TOGARAM1: variants seen among roughly 807,000 people sequenced by gnomAD.
TOGARAM1 encodes the protein TOG array regulator of axonemal microtubules 1.
TOGARAM1 carries 100 observed loss-of-function variants against 166.6 expected under a neutral mutation model. That is an observed-to-expected ratio of 0.60 (90% CI 0.51 to 0.71). The LOEUF is 0.71. Among genes scored for constraint, TOGARAM1 ranks in the 30% least tolerant of loss-of-function variants. The pLI is 0.00. For synonymous variants in TOGARAM1, 758 were observed against 763.8 expected, an observed-to-expected ratio of 0.99 and a Z score of 0.13; for missense variants, 2,029 against 2,102.7, an observed-to-expected ratio of 0.96 and a Z score of 0.69.
chr14:45,001,250 C>T (rs59432531), intron 3 of TOGARAM1, among the ~76,000 whole-genome samples: 7,326 of 152,152 alleles, frequency 0.048, 578 homozygotes, highest in African/African-American at 0.17. Context: ...ATGCAAAAAT[C>T]GAATCAAAAT....
intron 16 of TOGARAM1, among the ~76,000 whole-genome samples, chr14:45,060,217 C>CTTTT: frequency 8.6e-6 from 1 of 116,690 alleles, no homozygotes; most frequent in Non-Finnish European, 1.8e-5. Flanking sequence ...TGCACCCGGC[C>CTTTT]TTTTTTTTTT....
At chr14:45,041,358 G>A (rs957475962) in intron 11 of TOGARAM1, among the ~76,000 whole-genome samples, 1 of 147,392 alleles carries the variant, frequency 6.8e-6, no homozygotes, top group Non-Finnish European at 1.5e-5. Context: ...CTGAGATCAC[G>A]CCACTGCACT....
At chr14:45,056,064 A>G (rs1170863319) in intron 16 of TOGARAM1, among the ~76,000 whole-genome samples, 24 of 150,888 alleles carry the variant, frequency 1.6e-4, no homozygotes, top group Admixed American at 1.5e-3. Flanking sequence ...AGCGTTTTTT[A>G]GTTTTCCTTG....
intron 1 of TOGARAM1, among the ~76,000 whole-genome samples, chr14:44,974,886 G>A (rs1886095147): frequency 6.6e-6 from 1 of 151,774 alleles, no homozygotes; most frequent in Non-Finnish European, 1.5e-5. Flanking sequence ...TTTGTTGACA[G>A]GTAGATGTGA....
chr14:45,065,683 A>G (rs771681377), intron 16 of TOGARAM1, among the ~76,000 whole-genome samples: 1 of 152,170 alleles, frequency 6.6e-6, no homozygotes, highest in Admixed American at 6.5e-5. Context: ...AGTTAACATA[A>G]CAGGGCCCAA....
At position 45,032,344 on chromosome 14, in the gene TOGARAM1, A is replaced by G. The variant is rs1407642168; in HGVS notation, c.3780A>G (p.Thr1260=). ...TCTCTAAACCAGAAATAGCACTGAC[A>G]GAAGCCCTGAGGCTTTTGGCTGATG... is the stretch of plus-strand genomic sequence containing the variant. ...RPFSKPEIAL[T]EALRLLADED... is the part of the protein sequence containing the mutation. The change falls in exon 11 of 20, where the codon ACA becomes ACG. Residue 1260 remains threonine (T), a synonymous_variant. Coordinates refer to ENST00000361462, the MANE Select transcript of TOGARAM1 (RefSeq NM_001308120.2). 2 of 1,614,090 alleles carry G rather than the reference A, an allele frequency of 1.2e-6. No individual in the cohort carries two copies. The highest frequency in any genetic ancestry group is 1.7e-5 in the Admixed American group (1 of 60,020).
At chr14:45,048,314 CAA>C (rs1165258521) in intron 14 of TOGARAM1, among the ~76,000 whole-genome samples, 52 of 43,714 alleles carry the variant, frequency 1.2e-3, no homozygotes, top group African/African-American at 3.1e-3. Context: ...GACTCCATCT[CAA>C]AAAAAAAAAA....
Position 44,962,802 on chromosome 14 carries a change from T to C in TOGARAM1, c.381T>C (p.Leu127=). Residue 127 remains leucine (L), a synonymous_variant, in exon 1 of 20, where the codon CTT becomes CTC. Transcript: ENST00000361462. The part of the protein sequence containing the change: ...QAALPRRGGR[L]GFPRRKEALY... ...CTTTGCCGCGGCGGGGCGGTCGACT[T>C]GGCTTCCCCCGACGCAAGGAAGCTT... 6.2e-7 allele frequency: 1 copy of C among 1,612,492 alleles called. No individual in the cohort carries two copies. The highest frequency in any genetic ancestry group is 8.5e-7 in the Non-Finnish European group (1 of 1,179,974).
intron 1 of TOGARAM1, among the ~76,000 whole-genome samples, chr14:44,993,870 G>C (rs934386963): frequency 7.2e-5 from 11 of 152,114 alleles, no homozygotes; most frequent in African/African-American, 2.7e-4. Context: ...TTGCTAAACA[G>C]AAATTAATCA....
intron 1 of TOGARAM1, among the ~76,000 whole-genome samples, chr14:44,991,578 G>A (rs1594629560): frequency 6.6e-6 from 1 of 152,142 alleles, no homozygotes; most frequent in African/African-American, 2.4e-5. Context: ...GTGTAACAAT[G>A]TTCACTGCAA....
intron 5 of TOGARAM1, chr14:45,007,932 G>A (rs1262742825): frequency 6.6e-6 from 1 of 152,184 alleles, no homozygotes; most frequent in African/African-American, 2.4e-5. Context: ...CAGAAAGTAT[G>A]TGGTAGGACT....
chr14:45,039,457 A>C (rs1307168792), intron 11 of TOGARAM1, among the ~76,000 whole-genome samples: 1 of 151,878 alleles, frequency 6.6e-6, no homozygotes. Context: ...GCCACCATCA[A>C]CCTGCTGTCC....
chr14:45,054,786 C>T (rs899510757), intron 16 of TOGARAM1, among the ~76,000 whole-genome samples: 3 of 151,868 alleles, frequency 2.0e-5, no homozygotes, highest in East Asian at 1.9e-4. Flanking sequence ...TTGAACTGGT[C>T]GATGTTAGGC....
At chr14:44,986,313 A>G (rs962158696) in intron 1 of TOGARAM1, among the ~76,000 whole-genome samples, 1 of 152,178 alleles carries the variant, frequency 6.6e-6, no homozygotes, top group African/African-American at 2.4e-5. Context: ...TGTTAGAGAC[A>G]GAGCCTTGCT....
intron 11 of TOGARAM1, among the ~76,000 whole-genome samples, chr14:45,037,758 T>C (rs2138933640): frequency 6.6e-6 from 1 of 152,016 alleles, no homozygotes; most frequent in Non-Finnish European, 1.5e-5. Context: ...CCAGGTGTGG[T>C]GGCTCATGCC....
At chr14:45,053,201 A>G (rs1250855902) in intron 15 of TOGARAM1, among the ~76,000 whole-genome samples, 1 of 151,612 alleles carries the variant, frequency 6.6e-6, no homozygotes, top group Non-Finnish European at 1.5e-5. Flanking sequence ...ACCACGCCCA[A>G]CTAATTTTTT....
rs991689576 is a variant in TOGARAM1, at chr14:45,029,830, G to GT, written c.3658+1510dup. Among the ~76,000 whole-genome samples, 278 of 151,070 alleles carry GT rather than the reference G, an allele frequency of 1.8e-3. 2 individuals are homozygous for GT. The highest frequency in any genetic ancestry group is 5.9e-3 in the African/African-American group (245 of 41,220). On this transcript the variant is annotated intron_variant, in intron 10 of 19. Coordinates refer to ENST00000361462, the MANE Select transcript of TOGARAM1 (RefSeq NM_001308120.2). Reference sequence around the variant, plus strand: ...GTGGAAGTTTTGTTGTTTTTTGTTGGTTTTTTTTTGAGATGGAGTTTTGCT... The same window carrying GT: ...GTGGAAGTTTTGTTGTTTTTTGTTGGTTTTTTTTTTGAGATGGAGTTTTGCT...
chr14:45,011,211 T>C (rs750026547), intron 6 of TOGARAM1, among the ~76,000 whole-genome samples: 3 of 152,214 alleles, frequency 2.0e-5, no homozygotes, highest in Non-Finnish European at 2.9e-5. Context: ...AACTTACTCA[T>C]TGCTGATCTC....
intron 12 of TOGARAM1, among the ~76,000 whole-genome samples, 178 bp downstream of exon 12, chr14:45,043,969 T>C (rs1881853618): frequency 6.6e-6 from 1 of 152,208 alleles, no homozygotes; most frequent in South Asian, 2.1e-4. Flanking sequence ...TAATAGATGT[T>C]GATTCTTAGG....
Sources: gnomAD v4.1 joint callset for allele counts (sites outside exome capture counted in the v4.1 genomes callset) on GRCh38, gnomAD v4.1.1 for gene constraint, MANE v1.5 for transcripts, NCBI Gene and HGNC (gene_info 2026-07-23, HGNC 2026-07-21) for gene names.